The following PALM2AKAP2 variants were observed in gnomAD, a reference collection of about 807,000 sequenced individuals.
The protein encoded by PALM2AKAP2 is PALM2-AKAP2 fusion protein.
PALM2AKAP2 carries 37 observed loss-of-function variants against 71.5 expected under a neutral mutation model. That is an observed-to-expected ratio of 0.52 (90% CI 0.40 to 0.68). The LOEUF (loss-of-function observed/expected upper bound fraction) is 0.68. Among genes scored for constraint, PALM2AKAP2 ranks in the 30% least tolerant of loss-of-function variants. The pLI is 0.00. For synonymous variants in PALM2AKAP2, 468 were observed against 478.8 expected (o/e 0.98, Z 0.29); for missense variants, 1,224 against 1,191.8 (o/e 1.03, Z -0.40).
chr9:110,063,498 G>T (rs1834008042), intron 1 of PALM2AKAP2, among the ~76,000 whole-genome samples: 2 of 150,418 alleles, frequency 1.3e-5, no homozygotes, highest in Admixed American at 1.3e-4. Context: ...GGAGTGCAAT[G>T]GCACGATCTC....
chr9:109,739,027 A>C (rs999693333), intron 1 of PALM2AKAP2, among the ~76,000 whole-genome samples: 1 of 152,242 alleles, frequency 6.6e-6, no homozygotes, highest in African/African-American at 2.4e-5. Flanking sequence ...TGAACAATAT[A>C]GTTTATTAAA....
chr9:110,153,238 A>G (rs147119380), intron 2 of PALM2AKAP2, among the ~76,000 whole-genome samples: 297 of 152,286 alleles, frequency 2.0e-3, no homozygotes, highest in Non-Finnish European at 3.3e-3. Context: ...TTCTGCATAC[A>G]TCCCATCATT....
chr9:109,894,881 G>T (rs1830165695), intron 3 of PALM2AKAP2, among the ~76,000 whole-genome samples: 1 of 152,122 alleles, frequency 6.6e-6, no homozygotes, highest in Admixed American at 6.5e-5. Flanking sequence ...TTCCCAGAGT[G>T]CTGGGATTAC....
chr9:109,916,878 A>G (rs1207465552), intron 3 of PALM2AKAP2, among the ~76,000 whole-genome samples: 3 of 152,250 alleles, frequency 2.0e-5, no homozygotes, highest in Non-Finnish European at 2.9e-5. Flanking sequence ...CTCTGCCTAT[A>G]GCATCATATC....
intron 1 of PALM2AKAP2, among the ~76,000 whole-genome samples, chr9:109,803,158 T>G (rs565421826): frequency 9.2e-5 from 14 of 152,358 alleles, no homozygotes; most frequent in Non-Finnish European, 1.8e-4. Flanking sequence ...TAAGATGCAT[T>G]GCTATTTCAG....
intron 1 of PALM2AKAP2, among the ~76,000 whole-genome samples, chr9:110,100,081 A>ATATC (rs1554751767): frequency 6.9e-6 from 1 of 144,366 alleles, no homozygotes; most frequent in Admixed American, 7.1e-5. Context: ...ATATATATAT[A>ATATC]GAAACATAAA....
chr9:110,088,315 AGCTACACCCTAT>A (rs1203312117), intron 1 of PALM2AKAP2, among the ~76,000 whole-genome samples: 1 of 152,216 alleles, frequency 6.6e-6, no homozygotes, highest in Non-Finnish European at 1.5e-5. Context: ...GAAGTTACAA[AGCTACACCCTAT>A]GCAAACATCT....
chr9:110,006,891 G>A (rs79458939), intron 6 of PALM2AKAP2, among the ~76,000 whole-genome samples: 2,808 of 152,164 alleles, frequency 0.018, 97 homozygotes, highest in African/African-American at 0.064. Context: ...CCTCAGGGAA[G>A]GCTGAGACCT....
intron 7 of PALM2AKAP2, among the ~76,000 whole-genome samples, chr9:110,019,534 A>G (rs973324620): frequency 7.9e-5 from 12 of 152,236 alleles, no homozygotes; most frequent in African/African-American, 2.7e-4. Flanking sequence ...TAGGAAAATC[A>G]TGAAATTAAC....
chr9:110,063,716 T>C (rs2118512009), intron 1 of PALM2AKAP2, among the ~76,000 whole-genome samples: 1 of 152,288 alleles, frequency 6.6e-6, no homozygotes, highest in East Asian at 1.9e-4. Flanking sequence ...ACTGCTGGGA[T>C]TACAGGCGTG....
At chr9:109,652,643 C>T (rs190438285) in intron 1 of PALM2AKAP2, among the ~76,000 whole-genome samples, 1 of 152,298 alleles carries the variant, frequency 6.6e-6, no homozygotes, top group Admixed American at 6.5e-5. Context: ...TTTAATACTT[C>T]AATTTCTCTG....
chr9:109,766,506 T>A (rs1829157345), intron 1 of PALM2AKAP2, among the ~76,000 whole-genome samples: 1 of 152,226 alleles, frequency 6.6e-6, no homozygotes, highest in African/African-American at 2.4e-5. Flanking sequence ...AGGCCTTCAC[T>A]GCCTGGTTGT....
At position 109,791,344 on chromosome 9, in the gene PALM2AKAP2, G is replaced by A. The variant is rs181302529; in HGVS notation, c.45+10811G>A. On this transcript the variant is annotated intron_variant, in intron 1 of 9. Coordinates refer to the PALM2AKAP2 transcript ENST00000302798. Reference sequence around the variant, plus strand: ...TCACCTGCCTTTCTCTCTTTCCACCGTCATCTCTTTCTACTTGACATGTTC... The same window carrying A: ...TCACCTGCCTTTCTCTCTTTCCACCATCATCTCTTTCTACTTGACATGTTC... Among the ~76,000 whole-genome samples, 319 of 152,288 alleles carry A rather than the reference G, an allele frequency of 2.1e-3. 2 individuals are homozygous for A. Among genetic ancestry groups the A allele is most frequent in the African/African-American group, 5.3e-3 (221 of 41,564 alleles).
chr9:109,776,281 A>G (rs7030808), upstream of PALM2AKAP2, among the ~76,000 whole-genome samples: 127,553 of 152,256 alleles, frequency 0.84, 54,028 homozygotes, highest in African/African-American at 0.96. Context: ...TGGAAGAGGA[A>G]AAAAGATTTT....
At chr9:110,085,001 A>G (rs1427535672) in intron 1 of PALM2AKAP2, among the ~76,000 whole-genome samples, 7 of 152,080 alleles carry the variant, frequency 4.6e-5, no homozygotes, top group Non-Finnish European at 7.4e-5. Context: ...CGGCCTCTCA[A>G]AGTGCTGGGA....
intron 1 of PALM2AKAP2, among the ~76,000 whole-genome samples, chr9:109,697,319 A>G (rs1827986462): frequency 6.6e-6 from 1 of 152,210 alleles, no homozygotes; most frequent in Non-Finnish European, 1.5e-5. Context: ...ATATAGTTGA[A>G]TATTCATAGA....
At chr9:109,866,814 A>C (rs1829460271) in intron 1 of PALM2AKAP2, among the ~76,000 whole-genome samples, 1 of 152,180 alleles carries the variant, frequency 6.6e-6, no homozygotes, top group Non-Finnish European at 1.5e-5. Flanking sequence ...GAAGTCAGAC[A>C]GGTAGTGAGT....
intron 1 of PALM2AKAP2, chr9:109,641,007 T>C (rs1487341611): frequency 3.1e-6 from 4 of 1,277,294 alleles, no homozygotes; most frequent in Non-Finnish European, 4.1e-6. Flanking sequence ...CTGGTGTTTC[T>C]ATAGCAGCCG....
At chr9:109,880,270 A>G (rs1829815956) in intron 2 of PALM2AKAP2, among the ~76,000 whole-genome samples, 2 of 152,246 alleles carry the variant, frequency 1.3e-5, no homozygotes, top group South Asian at 4.1e-4. Flanking sequence ...ATGGGAAAAT[A>G]TGGCAAAATG....
Sources: allele counts gnomAD v4.1 joint callset (sites outside exome capture counted in the v4.1 genomes callset), GRCh38; gene constraint gnomAD v4.1.1; transcripts MANE v1.5; gene names NCBI Gene and HGNC (gene_info 2026-07-23, HGNC 2026-07-21).